ACACB: variants seen among roughly 807,000 people sequenced by gnomAD.
The protein encoded by ACACB is acetyl-CoA carboxylase 2.
In ACACB, 209 loss-of-function variants were observed where a neutral mutation model predicts 278.8. That is an observed-to-expected ratio of 0.75 (90% CI 0.67 to 0.84). The LOEUF is 0.84. Among genes scored for constraint, ACACB ranks in the 40% least tolerant of loss-of-function variants. The pLI is 0.00. For missense variants in ACACB, 2,850 were observed against 3,269.0 expected, an observed-to-expected ratio of 0.87 and a Z score of 3.13; for synonymous variants, 1,174 against 1,285.6, an observed-to-expected ratio of 0.91 and a Z score of 1.86.
At position 109,199,478 on chromosome 12, in the gene ACACB, G is replaced by A; in HGVS notation, c.2704G>A (p.Ala902Thr). The change falls in exon 18 of 53, where the codon GCT (alanine) becomes ACT (threonine). Residue 902 changes from alanine (A) to threonine (T), a missense_variant. Ala to Thr is a moderately conservative substitution (Grantham distance 58, BLOSUM62 0). Around this residue, in one of 3 missense-constraint regions of ACACB, gnomAD observed 2,265 missense variants for 2,561.3 expected, o/e 0.88. Coordinates refer to ENST00000338432, the MANE Select transcript of ACACB (RefSeq NM_001093.4). ...NDPTVLRSPSAGKLTQYTVED... is the reference protein window; with the variant it reads ...NDPTVLRSPSTGKLTQYTVED... ...TCCTACAGTCCTGAGATCCCCCTCG[G>A]CTGGGAAGCTGACACAGTACACAGT... 3 of 1,571,468 alleles carry A rather than the reference G, an allele frequency of 1.9e-6. No individual in the cohort carries two copies. The highest frequency in any genetic ancestry group is 2.6e-6 in the Non-Finnish European group (3 of 1,158,834).
At chr12:109,184,441 G>C (rs1416286965) in intron 11 of ACACB, among the ~76,000 whole-genome samples, 1 of 152,164 alleles carries the variant, frequency 6.6e-6, no homozygotes, top group East Asian at 1.9e-4. Context: ...CCTACAACAA[G>C]AGCATTCCGG....
In ACACB at chr12:109,246,293, G is replaced by A. The variant is rs1178732191; in HGVS notation, c.5416G>A (p.Glu1806Lys). The change falls in exon 39 of 53, where the codon GAG becomes AAG. Residue 1806 changes from glutamate (E) to lysine (K), a missense_variant. Glu to Lys is a moderately conservative substitution (Grantham distance 56). Around this residue, in one of 3 missense-constraint regions of ACACB, gnomAD observed 2,265 missense variants for 2,561.3 expected, o/e 0.88. Coordinates refer to ENST00000338432, the MANE Select transcript of ACACB (RefSeq NM_001093.4). ...TCGCATTGGATCCTTTGGCCCTGGA[G>A]AGGACCTTCTGTACCTGCGGGCATC... ...TFRIGSFGPG[E>K]DLLYLRASEM... 4 of 1,613,006 alleles carry A rather than the reference G, an allele frequency of 2.5e-6. No individual in the cohort carries two copies. Among genetic ancestry groups the A allele is most frequent in the Non-Finnish European group, 2.5e-6 (3 of 1,179,848 alleles).
intron 13 of ACACB, among the ~76,000 whole-genome samples, chr12:109,191,215 C>CT (rs573960328): frequency 0.45 from 61,129 of 136,972 alleles, 14,721 homozygotes; most frequent in Middle Eastern, 0.66. Flanking sequence ...CTTAACTCTT[C>CT]TTTTTTTTTT....
chr12:109,231,176 T>C (rs975363740), intron 28 of ACACB, among the ~76,000 whole-genome samples: 1 of 152,030 alleles, frequency 6.6e-6, no homozygotes, highest in Non-Finnish European at 1.5e-5. Flanking sequence ...AGCTGCAGCC[T>C]GGACCTGGAC....
At chr12:109,245,788 C>A (rs570009066) in intron 38 of ACACB, 40 bp downstream of exon 38, 5 of 1,603,960 alleles carry the variant, frequency 3.1e-6, no homozygotes, top group Middle Eastern at 1.7e-4. Context: ...CTGGAGTCAC[C>A]CCCTTAAAAA....
In ACACB at chr12:109,265,456, G is replaced by T. The variant is rs751845562; in HGVS notation, c.7181G>T (p.Gly2394Val). ...WLEQHWQAGD[G>V]PRSTIRENIT... is the part of the protein sequence containing the mutation. ...GAACAGCACTGGCAGGCAGGGGATG[G>T]CCCGCGCTCCACCATCCGTGAGAAC... Residue 2394 changes from glycine (G) to valine (V), a missense_variant, in exon 52 of 53, where the codon GGC (glycine) becomes GTC (valine). Gly to Val is a moderately radical substitution (Grantham distance 109, BLOSUM62 -3). Coordinates refer to ENST00000338432, the MANE Select transcript of ACACB (RefSeq NM_001093.4). 1.2e-6 allele frequency: 2 copies of T among 1,613,146 alleles called. No individual in the cohort carries two copies. The highest frequency in any genetic ancestry group is 1.7e-5 in the Admixed American group (1 of 59,930).
chr12:109,143,462 CAA>C (rs10696128), intron 2 of ACACB, among the ~76,000 whole-genome samples: 3,284 of 103,890 alleles, frequency 0.032, 105 homozygotes, highest in African/African-American at 0.12. Context: ...GACCCTGTCT[CAA>C]AAAAAAAAAA....
In ACACB at chr12:109,166,908, A is replaced by G; in HGVS notation, c.701A>G (p.Lys234Arg). Residue 234 changes from lysine (K) to arginine (R), a missense_variant, in exon 3 of 53, where the codon AAG becomes AGG. Physicochemically the swap from Lys to Arg is conservative, Grantham distance 26. Around this residue, in one of 3 missense-constraint regions of ACACB, gnomAD observed 2,265 missense variants for 2,561.3 expected, o/e 0.88. Coordinates refer to ENST00000338432, the MANE Select transcript of ACACB (RefSeq NM_001093.4). ...LHLVKRGREH[K>R]KLDLHRDFTV... ...CTGGTGAAGAGGGGACGGGAACACA[A>G]GAAGCTGGACCTGCACAGAGACTTT... 6.2e-7 allele frequency: 1 copy of G among 1,614,082 alleles called. No individual in the cohort carries two copies. The highest frequency in any genetic ancestry group is 8.5e-7 in the Non-Finnish European group (1 of 1,180,030).
At chr12:109,238,597 T>C (rs2136651711) in intron 34 of ACACB, among the ~76,000 whole-genome samples, 1 of 149,112 alleles carries the variant, frequency 6.7e-6, no homozygotes, top group South Asian at 2.1e-4. Context: ...GGAGTTTTGC[T>C]CTTGTTGCCC....
intron 20 of ACACB, among the ~76,000 whole-genome samples, chr12:109,207,065 A>G (rs2045542366): frequency 6.6e-6 from 1 of 151,988 alleles, no homozygotes; most frequent in African/African-American, 2.4e-5. Context: ...AAGAGATCCT[A>G]CCACCTCAGC....
At chr12:109,169,111 C>T (rs1377277405) in intron 4 of ACACB, among the ~76,000 whole-genome samples, 1 of 143,654 alleles carries the variant, frequency 7.0e-6, no homozygotes, top group African/African-American at 2.6e-5. Context: ...CTCCACTGCA[C>T]TGCGGCCTGG....
At position 109,209,812 on chromosome 12, in the gene ACACB, C is replaced by CAT. The variant is rs1347079271; in HGVS notation, c.3249+466_3249+467dup. Among the ~76,000 whole-genome samples, 93 of 142,538 alleles carry CAT rather than the reference C, an allele frequency of 6.5e-4. 2 individuals are homozygous for CAT. Among genetic ancestry groups the CAT allele is most frequent in the African/African-American group, 2.4e-3 (88 of 36,584 alleles). The allele number at this position is 142,538 out of a possible 152,430, so 93.5% of individuals were successfully genotyped here. On this transcript the variant is annotated intron_variant, in intron 21 of 52. Transcript: ENST00000338432. Reference sequence around the variant, plus strand: ...CTGTGTGTATATATATATACACACACATATATATGCATATATATACACATA... The same window carrying CAT: ...CTGTGTGTATATATATATACACACACATATATATATGCATATATATACACATA...
chr12:109,221,218 A>G (rs2046150574), intron 24 of ACACB, among the ~76,000 whole-genome samples: 1 of 152,196 alleles, frequency 6.6e-6, no homozygotes, highest in Non-Finnish European at 1.5e-5. Flanking sequence ...TCTGATGATA[A>G]AATCAGTCTC....
intron 48 of ACACB, 48 bp from the exon 49 acceptor site, chr12:109,262,309 G>A (rs766782325): frequency 1.2e-5 from 18 of 1,485,278 alleles, no homozygotes; most frequent in Non-Finnish European, 1.6e-5. Flanking sequence ...GCCCTTGCTT[G>A]CTGGGCAATG....
intron 10 of ACACB, 117 bp from the exon 11 acceptor site, chr12:109,179,800 A>G (rs915671363): frequency 3.9e-6 from 5 of 1,269,902 alleles, no homozygotes; most frequent in Non-Finnish European, 5.4e-6. Flanking sequence ...CAGTCCCAAA[A>G]TATTTCACAT....
At position 109,250,141 on chromosome 12, in the gene ACACB, T is replaced by A. The variant is rs573917496; in HGVS notation, c.5790+37T>A. ...TCTATTTTCTCTTACTTTTCAACTT[T>A]CCATTATAGAAACTTTAAAATTGTC... On this transcript the variant is annotated intron_variant, in intron 41 of 52. Transcript: ENST00000338432. 1.9e-5 allele frequency: 29 copies of A among 1,543,950 alleles called. No individual in the cohort carries two copies. The East Asian group carries it at 6.5e-4, about 35-fold the overall frequency.
chr12:109,126,127 A>G (rs1255260102), intron 1 of ACACB, among the ~76,000 whole-genome samples: 2 of 152,156 alleles, frequency 1.3e-5, no homozygotes, highest in African/African-American at 4.8e-5. Flanking sequence ...GCAGGGGGAG[A>G]AGCGAAGAAG....
chr12:109,169,676 C>T (rs2044043706), intron 4 of ACACB, among the ~76,000 whole-genome samples: 1 of 152,176 alleles, frequency 6.6e-6, no homozygotes, highest in Admixed American at 6.5e-5. Flanking sequence ...CCCCACCCAG[C>T]CTGTAGGTCT....
At chr12:109,246,782 A>G (rs2046959609) in intron 39 of ACACB, among the ~76,000 whole-genome samples, 1 of 152,104 alleles carries the variant, frequency 6.6e-6, no homozygotes, top group Admixed American at 6.5e-5. Flanking sequence ...CTGGCCTCAT[A>G]GCGTTCTTAG....
Sources: gnomAD v4.1 joint callset for allele counts (sites outside exome capture counted in the v4.1 genomes callset) on GRCh38, gnomAD v4.1.1 for gene constraint, gnomAD v4.1.1 regional missense constraint, MANE v1.5 for transcripts, NCBI Gene and HGNC (gene_info 2026-07-23, HGNC 2026-07-21) for gene names.